PDE4D: variants seen among roughly 807,000 people sequenced by gnomAD.
PDE4D encodes the protein 3',5'-cyclic-AMP phosphodiesterase 4D.
PDE4D carries 24 observed loss-of-function variants against 87.4 expected under a neutral mutation model. The ratio of observed to expected loss-of-function variants is 0.27; its 90% CI spans 0.20 to 0.39. The LOEUF (loss-of-function observed/expected upper bound fraction) is 0.39. PDE4D is among the 10% of genes least tolerant of loss of function. The pLI is 1.00. For synonymous variants in PDE4D, 384 were observed against 383.2 expected, an observed-to-expected ratio of 1.00 and a Z score of -0.02; for missense variants, 714 against 1,041.0, an observed-to-expected ratio of 0.69 and a Z score of 4.32.
At chr5:59,937,711 A>G (rs1157083930) in intron 3 of PDE4D, among the ~76,000 whole-genome samples, 1 of 152,212 alleles carries the variant, frequency 6.6e-6, no homozygotes, top group African/African-American at 2.4e-5. Flanking sequence ...CTCTCCTCAC[A>G]CAGTTGCCTC....
intron 3 of PDE4D, among the ~76,000 whole-genome samples, chr5:59,189,208 A>G (rs972649364): frequency 1.7e-4 from 25 of 151,422 alleles, no homozygotes; most frequent in African/African-American, 5.8e-4. Context: ...AGTAAAGGTA[A>G]AGAGATGTAG....
chr5:59,097,365 C>T lies in PDE4D; in HGVS notation c.809-58394G>A, dbSNP rs149938154. ...TATTGCATTCCAGAGAAGTACAATA[C>T]GAAGTTTCAGACTAGTGCTGGGCTT... On this transcript the variant is annotated intron_variant, in intron 5 of 14. Transcript: ENST00000340635. Among the ~76,000 whole-genome samples the T allele has an allele frequency of 2.6e-3, 391 of 152,252 alleles. 1 individual carries two copies. The highest frequency in any genetic ancestry group is 0.013 in the South Asian group (61 of 4,824).
intron 1 of PDE4D, chr5:59,217,184 C>G (rs1403488652): frequency 6.6e-6 from 3 of 455,246 alleles, no homozygotes; most frequent in Non-Finnish European, 1.3e-5. Flanking sequence ...AAAATAAAGT[C>G]AACTTTCATG....
Position 60,495,850 on chromosome 5 carries a change from A to G in PDE4D, n.70+26201T>C, listed in dbSNP as rs149571472. Among the ~76,000 whole-genome samples, 28 of 152,322 alleles carry G rather than the reference A, an allele frequency of 1.8e-4. 1 individual carries two copies. Among genetic ancestry groups the G allele is most frequent in the African/African-American group, 6.7e-4 (28 of 41,574 alleles). On this transcript the variant is annotated intron_variant and non_coding_transcript_variant, in intron 1 of 2. Transcript: ENST00000506510. ...AGATTACACAGGGGTATCTGAAATA[A>G]TTATCTATGGACCAGAAATTCCCAA...
At chr5:58,976,133 T>A (rs562604898) in intron 13 of PDE4D, among the ~76,000 whole-genome samples, 1 of 152,330 alleles carries the variant, frequency 6.6e-6, no homozygotes, top group African/African-American at 2.4e-5. Flanking sequence ...TGTTTGTTTG[T>A]TAGTTTTTTT....
intron 1 of PDE4D, among the ~76,000 whole-genome samples, chr5:59,678,776 C>A (rs1748537300): frequency 6.6e-6 from 1 of 152,002 alleles, no homozygotes; most frequent in South Asian, 2.1e-4. Context: ...TAAACACCAA[C>A]CCTCCCTAGT....
At chr5:59,912,069 A>G (rs576724299) in intron 3 of PDE4D, among the ~76,000 whole-genome samples, 1 of 152,324 alleles carries the variant, frequency 6.6e-6, no homozygotes, top group South Asian at 2.1e-4. Context: ...TTTATGTTCA[A>G]ATCCCAACTC....
chr5:60,014,786 C>A (rs772774123), intron 2 of PDE4D, among the ~76,000 whole-genome samples: 1 of 152,170 alleles, frequency 6.6e-6, no homozygotes, highest in African/African-American at 2.4e-5. Context: ...AGATTTTAGG[C>A]CTCCAAACCT....
intron 1 of PDE4D, among the ~76,000 whole-genome samples, chr5:59,386,672 G>C (rs941867926): frequency 3.8e-5 from 4 of 106,164 alleles, no homozygotes; most frequent in African/African-American, 1.2e-4. Flanking sequence ...AGAAAAGAAG[G>C]GCAGGGCAGC....
intron 1 of PDE4D, among the ~76,000 whole-genome samples, chr5:59,613,387 T>G (rs1034081126): frequency 2.4e-4 from 37 of 152,106 alleles, no homozygotes; most frequent in African/African-American, 8.7e-4. Flanking sequence ...AGGAAGGCAG[T>G]TGAATATGAA....
chr5:59,444,053 A>G (rs1392315298), intron 1 of PDE4D, among the ~76,000 whole-genome samples: 1 of 152,206 alleles, frequency 6.6e-6, no homozygotes, highest in Non-Finnish European at 1.5e-5. Flanking sequence ...CCCACTCTCC[A>G]GTGCTTTTCT....
chr5:60,023,890 C>T (rs1011887702), intron 2 of PDE4D, among the ~76,000 whole-genome samples: 6 of 152,118 alleles, frequency 3.9e-5, no homozygotes, highest in African/African-American at 1.4e-4. Flanking sequence ...CGACTGTGAC[C>T]ACAGATATCA....
chr5:59,444,445 C>A (rs1198538741), intron 1 of PDE4D, among the ~76,000 whole-genome samples: 1 of 152,154 alleles, frequency 6.6e-6, no homozygotes, highest in East Asian at 1.9e-4. Flanking sequence ...TTTGATCCAA[C>A]ATTTAAAGCA....
At chr5:59,315,275 G>A (rs1300027035) in intron 1 of PDE4D, among the ~76,000 whole-genome samples, 1 of 152,116 alleles carries the variant, frequency 6.6e-6, no homozygotes, top group African/African-American at 2.4e-5. Flanking sequence ...CAAATGTGAA[G>A]AAAACATACA....
At position 59,889,171 on chromosome 5, in the gene PDE4D, T is replaced by A. The variant is rs182431088; in HGVS notation, c.455+3997A>T. 3.6e-3 allele frequency among the ~76,000 whole-genome samples: 500 copies of A among 139,522 alleles called. 3 individuals are homozygous for A. Among genetic ancestry groups the A allele is most frequent in the African/African-American group, 0.013 (483 of 36,366 alleles). The allele number at this position is 139,522 out of a possible 152,430, so 91.5% of individuals were successfully genotyped here. A position where few individuals can be genotyped will look rare whatever the true frequency, so the allele number is the denominator to read the frequency against. On this transcript the variant is annotated intron_variant, in intron 1 of 14. Coordinates refer to ENST00000340635, the MANE Select transcript of PDE4D (RefSeq NM_001104631.2). ...TGAACCTGGGAGGTGGAGTTTGCAG[T>A]GAGCCAAGATTGTGCCACTGCACAC...
At chr5:60,071,525 A>C (rs1562055753) in intron 2 of PDE4D, among the ~76,000 whole-genome samples, 1 of 152,138 alleles carries the variant, frequency 6.6e-6, no homozygotes, top group Non-Finnish European at 1.5e-5. Flanking sequence ...TATTATTCAA[A>C]AGATTTAGCC....
intron 1 of PDE4D, among the ~76,000 whole-genome samples, chr5:59,673,762 T>C (rs1747610452): frequency 6.6e-6 from 1 of 152,198 alleles, no homozygotes; most frequent in Non-Finnish European, 1.5e-5. Context: ...CTAGAAACTT[T>C]ACCTAGTTAT....
intron 4 of PDE4D, among the ~76,000 whole-genome samples, chr5:59,181,543 G>GAGATATATAT (rs5868165): frequency 1.7e-5 from 2 of 118,906 alleles, no homozygotes; most frequent in African/African-American, 7.6e-5. Context: ...AAAGATGTCT[G>GAGATATATAT]ATATATATAT....
chr5:59,137,517 G>A (rs1438065020), intron 5 of PDE4D, among the ~76,000 whole-genome samples: 2 of 148,920 alleles, frequency 1.3e-5, no homozygotes, highest in African/African-American at 4.9e-5. Flanking sequence ...TTTTAAGAGG[G>A]AAAGTTTCTT....
Sources: gnomAD v4.1 joint callset for allele counts (sites outside exome capture counted in the v4.1 genomes callset) on GRCh38, gnomAD v4.1.1 for gene constraint, MANE v1.5 for transcripts, NCBI Gene and HGNC (gene_info 2026-07-23, HGNC 2026-07-21) for gene names.